Variants in OPCML observed in about 807,000 individuals in gnomAD.
The protein encoded by OPCML is opioid binding protein/cell adhesion molecule like, also known as opioid-binding protein/cell adhesion molecule.
In OPCML, 13 loss-of-function variants were observed where a neutral mutation model predicts 37.8. The observed-to-expected ratio is 0.34, with a 90% CI of 0.22 to 0.55. The LOEUF is 0.55. Among genes scored for constraint, OPCML ranks in the 20% least tolerant of loss-of-function variants. The pLI, the probability that OPCML is intolerant of heterozygous loss-of-function variation, is 0.91. For synonymous variants in OPCML, 176 were observed against 168.8 expected (o/e 1.04, Z -0.33); for missense variants, 341 against 435.6 (o/e 0.78, Z 1.93).
chr11:132,531,477 G>T (rs1035721980), intron 3 of OPCML, among the ~76,000 whole-genome samples: 1 of 152,222 alleles, frequency 6.6e-6, no homozygotes, highest in African/African-American at 2.4e-5. Context: ...GAATTCAGAC[G>T]ATTTTGCAGC....
intron 3 of OPCML, among the ~76,000 whole-genome samples, chr11:132,621,786 A>G (rs1219971882): frequency 6.6e-6 from 1 of 152,068 alleles, no homozygotes; most frequent in Non-Finnish European, 1.5e-5. Flanking sequence ...ACACACACAC[A>G]CTCCAAACTG....
intron 3 of OPCML, among the ~76,000 whole-genome samples, chr11:132,599,517 C>T (rs553869206): frequency 4.6e-5 from 7 of 152,056 alleles, no homozygotes; most frequent in African/African-American, 7.2e-5. Context: ...AAGCATAAAC[C>T]GAAGCTCTCT....
intron 3 of OPCML, among the ~76,000 whole-genome samples, chr11:132,589,619 G>A (rs1482127788): frequency 6.6e-6 from 1 of 152,194 alleles, no homozygotes; most frequent in African/African-American, 2.4e-5. Context: ...TTTAAGTGCA[G>A]GTTTGAAGGA....
chr11:133,189,261 T>C (rs1565493674), intron 1 of OPCML, among the ~76,000 whole-genome samples: 1 of 152,224 alleles, frequency 6.6e-6, no homozygotes, highest in East Asian at 1.9e-4. Flanking sequence ...TGATTTTCCA[T>C]TAAATTACAT....
intron 1 of OPCML, among the ~76,000 whole-genome samples, chr11:133,084,374 G>A (rs1948787604): frequency 6.6e-6 from 1 of 152,154 alleles, no homozygotes; most frequent in South Asian, 2.1e-4. Context: ...ATCCGATGAA[G>A]GTCAATTTTC....
At chr11:132,697,956 AATTT>A (rs1260854817) in intron 2 of OPCML, among the ~76,000 whole-genome samples, 1 of 148,712 alleles carries the variant, frequency 6.7e-6, no homozygotes, top group Non-Finnish European at 1.5e-5. Flanking sequence ...ATTTTATATT[AATTT>A]ATTTTATTTT....
intron 3 of OPCML, among the ~76,000 whole-genome samples, chr11:132,570,804 T>TGAGAGAGAGAGAG (rs1271040683): frequency 3.6e-3 from 329 of 90,748 alleles, no homozygotes; most frequent in Non-Finnish European, 5.0e-3. Context: ...TATATATATT[T>TGAGAGAGAGAGAG]AGAGAGAGAG....
At chr11:133,093,468 G>A (rs772635197) in intron 1 of OPCML, among the ~76,000 whole-genome samples, 27 of 151,890 alleles carry the variant, frequency 1.8e-4, no homozygotes, top group Non-Finnish European at 3.5e-4. Context: ...CTTGCTCCCC[G>A]TAACTATAAT....
At chr11:133,093,719 C>A (rs1258293812) in intron 1 of OPCML, among the ~76,000 whole-genome samples, 1 of 152,008 alleles carries the variant, frequency 6.6e-6, no homozygotes, top group Non-Finnish European at 1.5e-5. Context: ...ATGTGTCTGA[C>A]TGACGTTGAA....
chr11:133,143,752 A>G (rs1949858599), intron 1 of OPCML, among the ~76,000 whole-genome samples: 1 of 152,218 alleles, frequency 6.6e-6, no homozygotes, highest in African/African-American at 2.4e-5. Flanking sequence ...CCTCTCAACT[A>G]GAAGCCAGGA....
chr11:132,689,969 C>T (rs977121100), intron 2 of OPCML, among the ~76,000 whole-genome samples: 7 of 152,156 alleles, frequency 4.6e-5, no homozygotes, highest in African/African-American at 1.4e-4. Flanking sequence ...AAATGACTTA[C>T]TTTATGTATG....
chr11:132,744,899 T>C (rs1003928982), intron 2 of OPCML, among the ~76,000 whole-genome samples: 5 of 152,092 alleles, frequency 3.3e-5, no homozygotes, highest in African/African-American at 9.7e-5. Context: ...CTCGAGGAAG[T>C]GAACGAGCTC....
chr11:133,408,887 T>A (rs1050168158), intron 1 of OPCML, among the ~76,000 whole-genome samples: 6 of 152,194 alleles, frequency 3.9e-5, no homozygotes, highest in African/African-American at 1.4e-4. Context: ...AGTCTGGGGA[T>A]TAGACACTTT....
intron 1 of OPCML, among the ~76,000 whole-genome samples, chr11:133,454,531 T>C (rs1222873005): frequency 6.6e-6 from 1 of 152,232 alleles, no homozygotes; most frequent in Non-Finnish European, 1.5e-5. Flanking sequence ...GTTTTGGAAC[T>C]ATGTAGCTGG....
At chr11:133,468,631 T>C (rs1854003094) in intron 1 of OPCML, among the ~76,000 whole-genome samples, 1 of 152,188 alleles carries the variant, frequency 6.6e-6, no homozygotes, top group Admixed American at 6.5e-5. Flanking sequence ...AGAATACAAA[T>C]TGTGTTTGAC....
chr11:132,530,805 G>A lies in OPCML; in HGVS notation c.380-1619C>T, dbSNP rs569222905. ...CTAACACAGTACATGGCACACACTG[G>A]CCCCTTGTCCTCTCCCAAATATTTT... is the stretch of plus-strand genomic sequence containing the variant. On this transcript the variant is annotated intron_variant, in intron 3 of 7. Transcript: ENST00000524381. Among the ~76,000 whole-genome samples, 4 of 152,172 alleles carry A rather than the reference G, an allele frequency of 2.6e-5. No individual in the cohort carries two copies. In the South Asian group the frequency reaches 8.3e-4, roughly 32 times the overall value.
At chr11:133,416,945 G>A (rs1945782147) in intron 1 of OPCML, among the ~76,000 whole-genome samples, 1 of 152,130 alleles carries the variant, frequency 6.6e-6, no homozygotes, top group Non-Finnish European at 1.5e-5. Flanking sequence ...TCCAGGAAAA[G>A]GTGGGTGGGG....
intron 2 of OPCML, among the ~76,000 whole-genome samples, chr11:132,734,933 T>G (rs1371990555): frequency 6.6e-6 from 1 of 152,186 alleles, no homozygotes; most frequent in Non-Finnish European, 1.5e-5. Flanking sequence ...GAAAGGTGAT[T>G]GTTATTATGT....
At chr11:133,378,116 A>T (rs1381526872) in intron 1 of OPCML, among the ~76,000 whole-genome samples, 1 of 152,226 alleles carries the variant, frequency 6.6e-6, no homozygotes, top group Non-Finnish European at 1.5e-5. Context: ...AGAAGAAGCT[A>T]TGTCTCCCCA....
Sources: gnomAD v4.1 joint callset for allele counts (sites outside exome capture counted in the v4.1 genomes callset) on GRCh38, gnomAD v4.1.1 for gene constraint, MANE v1.5 for transcripts, NCBI Gene and HGNC (gene_info 2026-07-23, HGNC 2026-07-21) for gene names.